Variants in APLP2 observed in about 807,000 individuals in gnomAD.
APLP2 encodes the protein amyloid beta precursor like protein 2.
A neutral mutation model predicts 89.9 loss-of-function variants in APLP2; 53 were observed. The observed-to-expected ratio is 0.59, with a 90% CI of 0.47 to 0.74. APLP2 has a LOEUF of 0.74. Ranked by LOEUF, APLP2 falls within the 30% of genes least tolerant of loss-of-function variation. The pLI, the probability that APLP2 is intolerant of heterozygous loss-of-function variation, is 0.00. For synonymous variants in APLP2, 372 were observed against 348.6 expected (o/e 1.07, Z -0.75); for missense variants, 973 against 975.9 (o/e 1.00, Z 0.04).
At chr11:130,132,472 G>A (rs1235579898) in intron 11 of APLP2, among the ~76,000 whole-genome samples, 1 of 152,116 alleles carries the variant, frequency 6.6e-6, no homozygotes, top group African/African-American at 2.4e-5. Context: ...TAACCAGGCG[G>A]GGATGACTTA....
At chr11:130,130,297 C>A in intron 11 of APLP2, 131 bp downstream of exon 11, 1 of 1,247,686 alleles carries the variant, frequency 8.0e-7, no homozygotes, top group Non-Finnish European at 1.1e-6. Context: ...TTTTGATTTC[C>A]GAAGACATTC....
intron 1 of APLP2, among the ~76,000 whole-genome samples, chr11:130,086,729 C>G (rs1029575790): frequency 2.6e-5 from 4 of 152,208 alleles, no homozygotes; most frequent in Admixed American, 2.6e-4. Context: ...CAGCTTCACT[C>G]TTCTGCAAGT....
rs150144749 is a variant in APLP2 at position 130,105,557 on chromosome 11, GTTAT to G, written c.106-3869_106-3866del. On this transcript the variant is annotated intron_variant, in intron 1 of 16. Transcript: ENST00000338167. Reference sequence around the variant, plus strand: ...CTCTACAAGTTTTAACTTAAGAACTGTTATTTGTTTATTTATTTTAATTTTGAAG... The same window carrying G: ...CTCTACAAGTTTTAACTTAAGAACTGTTGTTTATTTATTTTAATTTTGAAG... Among the ~76,000 whole-genome samples the G allele has an allele frequency of 2.6e-3, 400 of 152,246 alleles. 2 individuals are homozygous for G. The highest frequency in any genetic ancestry group is 9.1e-3 in the African/African-American group (380 of 41,540).
chr11:130,129,368 G>T (rs1950686484), intron 10 of APLP2, among the ~76,000 whole-genome samples, 162 bp downstream of exon 10: 2 of 152,224 alleles, frequency 1.3e-5, no homozygotes, highest in Non-Finnish European at 2.9e-5. Context: ...TCTAATATCT[G>T]TGTATATAAG....
rs149468916 is a variant in APLP2 at position 130,111,092 on chromosome 11, T to G, written c.403+431T>G. ...AGTTTTCAGGAGAAAGAAAAGTGAC[T>G]TATGGCAGCCTGTGGACAGTCAAGG... On this transcript the variant is annotated intron_variant, in intron 3 of 16. Coordinates refer to ENST00000338167, the MANE Select transcript of APLP2 (RefSeq NM_001142276.2). Among the ~76,000 whole-genome samples the G allele has an allele frequency of 2.0e-3, 297 of 152,260 alleles. 1 individual carries two copies. The highest frequency in any genetic ancestry group is 5.9e-3 in the African/African-American group (247 of 41,560).
Position 130,133,704 on chromosome 11 carries a change from G to C in APLP2, c.1660G>C (p.Ala554Pro), listed in dbSNP as rs1951198818. 6 of 1,613,950 alleles carry C rather than the reference G, an allele frequency of 3.7e-6. No individual in the cohort carries two copies. The South Asian group carries it at 6.6e-5, about 18-fold the overall frequency. ...TCTGCTCTACAAAGTACCTTATGTA[G>C]CCCAAGAAATTCAAGAGGAAATTGG... ...LSLLYKVPYV[A>P]QEIQEEIDEL... Residue 554 changes from alanine (A) to proline (P), a missense_variant, in exon 12 of 17, where the codon GCC becomes CCC. By Grantham distance (27) the Ala-to-Pro change is conservative. Transcript: ENST00000338167.
At chr11:130,110,392 G>C (rs1446582999) in intron 2 of APLP2, 146 bp from the exon 3 acceptor site, 1 of 968,810 alleles carries the variant, frequency 1.0e-6, no homozygotes, top group Non-Finnish European at 1.5e-6. Context: ...GATGACTTCA[G>C]TTAGAGCCAG....
At chr11:130,115,936 C>T (rs377106594) in intron 3 of APLP2, among the ~76,000 whole-genome samples, 22 of 152,248 alleles carry the variant, frequency 1.4e-4, no homozygotes, top group African/African-American at 5.3e-4. Context: ...CAATTATTTT[C>T]AGTTTCTGTA....
intron 1 of APLP2, chr11:130,101,354 A>AT (rs60974114): frequency 0.063 from 9,017 of 142,056 alleles, 443 homozygotes; most frequent in East Asian, 0.24. Context: ...AATTTTTTGT[A>AT]TTTTTTTTTT....
intron 12 of APLP2, 79 bp from the exon 13 acceptor site, chr11:130,135,484 T>C: frequency 6.7e-7 from 1 of 1,501,898 alleles, no homozygotes; most frequent in South Asian, 1.2e-5. Context: ...AGTGGGGTCT[T>C]GGAGCTCTAG....
intron 1 of APLP2, among the ~76,000 whole-genome samples, chr11:130,102,893 G>C (rs573985651): frequency 6.6e-6 from 1 of 152,316 alleles, no homozygotes; most frequent in Non-Finnish European, 1.5e-5. Context: ...TAAGCAAAAT[G>C]GAAGTGCTGG....
chr11:130,110,965 T>C (rs1591809833), intron 3 of APLP2, among the ~76,000 whole-genome samples: 1 of 152,298 alleles, frequency 6.6e-6, no homozygotes, highest in Non-Finnish European at 1.5e-5. Context: ...TTTATGGTGA[T>C]AGTGCTGAGT....
At chr11:130,118,076 C>CAA (rs71061363) in intron 3 of APLP2, among the ~76,000 whole-genome samples, 8,599 of 94,360 alleles carry the variant, frequency 0.091, 384 homozygotes, top group East Asian at 0.17. Flanking sequence ...GACTCCATCT[C>CAA]AAAAAAAAAA....
intron 11 of APLP2, among the ~76,000 whole-genome samples, chr11:130,133,018 G>A (rs1951106152): frequency 6.7e-6 from 1 of 149,150 alleles, no homozygotes; most frequent in Non-Finnish European, 1.5e-5. Context: ...AGTAGTAAGT[G>A]CCTTGTATGA....
At chr11:130,135,529 GC>G in intron 12 of APLP2, 33 bp from the exon 13 acceptor site, 7 of 1,609,094 alleles carry the variant, frequency 4.4e-6, no homozygotes, top group Non-Finnish European at 5.1e-6. Flanking sequence ...CCCTTCTGAA[GC>G]CTGCTTTCTG....
chr11:130,076,824 T>A (rs1942216310), intron 1 of APLP2, among the ~76,000 whole-genome samples: 1 of 152,158 alleles, frequency 6.6e-6, no homozygotes, highest in Non-Finnish European at 1.5e-5. Context: ...CCCACCAGCA[T>A]AAGACCCCTC....
intron 1 of APLP2, among the ~76,000 whole-genome samples, chr11:130,095,808 C>G (rs919764435): frequency 6.6e-6 from 1 of 152,236 alleles, no homozygotes; most frequent in South Asian, 2.1e-4. Flanking sequence ...CAGGTTGATA[C>G]TAGTTTAGTG....
chr11:130,102,439 G>A (rs1459841637), intron 1 of APLP2, among the ~76,000 whole-genome samples: 12 of 152,158 alleles, frequency 7.9e-5, no homozygotes, highest in Admixed American at 6.5e-4. Flanking sequence ...TCATAAAGCC[G>A]GATTCCTTTC....
intron 1 of APLP2, among the ~76,000 whole-genome samples, chr11:130,091,767 G>T (rs1385031529): frequency 5.9e-4 from 89 of 149,990 alleles, no homozygotes; most frequent in African/African-American, 2.1e-3. Flanking sequence ...CCAGGCGGGG[G>T]GCTGAACCCC....
Sources: gnomAD v4.1 joint callset for allele counts (sites outside exome capture counted in the v4.1 genomes callset) on GRCh38, gnomAD v4.1.1 for gene constraint, MANE v1.5 for transcripts, NCBI Gene and HGNC (gene_info 2026-07-23, HGNC 2026-07-21) for gene names.